Variants in FRK observed in about 807,000 individuals in gnomAD.
The protein encoded by FRK is fyn related Src family tyrosine kinase, also known as tyrosine-protein kinase FRK.
FRK carries 51 observed loss-of-function variants against 56.4 expected under a neutral mutation model. The observed-to-expected ratio is 0.90, with a 90% confidence interval of 0.72 to 1.14. The LOEUF (loss-of-function observed/expected upper bound fraction) is 1.14, where lower values mean the gene tolerates loss of function less well. Among genes scored for constraint, FRK ranks in the 50% most tolerant of loss-of-function variants. FRK has a pLI of 0.00. For missense variants in FRK, 570 were observed against 601.4 expected (o/e 0.95, Z 0.55); for synonymous variants, 245 against 217.9 (o/e 1.12, Z -1.10).
chr6:116,013,259 A>G (rs1775537305), intron 1 of FRK, among the ~76,000 whole-genome samples: 1 of 152,194 alleles, frequency 6.6e-6, no homozygotes, highest in Non-Finnish European at 1.5e-5. Context: ...ATTCCTCACA[A>G]GAAGTTTACA....
chr6:116,023,237 T>C (rs1197738930), intron 1 of FRK, among the ~76,000 whole-genome samples: 2 of 152,316 alleles, frequency 1.3e-5, no homozygotes, highest in East Asian at 1.9e-4. Flanking sequence ...GGCAATATCT[T>C]ATAAAGTTAA....
intron 1 of FRK, among the ~76,000 whole-genome samples, chr6:116,018,322 A>C (rs186621631): frequency 6.6e-6 from 1 of 152,330 alleles, no homozygotes. Context: ...TCAGCAGCAC[A>C]AACAGCCAGA....
the FRK span, among the ~76,000 whole-genome samples, chr6:116,077,993 C>G: frequency 6.6e-6 from 1 of 152,144 alleles, no homozygotes; most frequent in East Asian, 1.9e-4. Context: ...AACCCCATCT[C>G]TACTAAAAAC....
At chr6:116,046,830 C>A (rs540142274) in intron 1 of FRK, among the ~76,000 whole-genome samples, 6 of 151,890 alleles carry the variant, frequency 4.0e-5, no homozygotes, top group African/African-American at 1.4e-4. Context: ...TGAGTACATT[C>A]TTTTTCTTTT....
chr6:115,955,678 T>A (rs1422965425), intron 5 of FRK, among the ~76,000 whole-genome samples: 5 of 152,160 alleles, frequency 3.3e-5, no homozygotes, highest in African/African-American at 1.2e-4. Context: ...AAATCTTTGT[T>A]TCATCATTCT....
intron 1 of FRK, among the ~76,000 whole-genome samples, chr6:116,025,312 T>C (rs1337243404): frequency 3.3e-5 from 5 of 152,208 alleles, no homozygotes; most frequent in Admixed American, 3.3e-4. Flanking sequence ...ATATTTGTTA[T>C]GAAAAGTTAT....
chr6:116,060,416 T>A lies in FRK; in HGVS notation c.-105A>T. Reference sequence around the variant, plus strand: ...AGGCAACTTTGAAGTCAGCACCAACTCACCATACTTCGGAGAGTATGCAAA... The same window carrying A: ...AGGCAACTTTGAAGTCAGCACCAACACACCATACTTCGGAGAGTATGCAAA... On this transcript the variant is annotated 5_prime_UTR_variant, in exon 1 of 8. Transcript: ENST00000606080. 1 of 829,432 alleles carries A rather than the reference T, an allele frequency of 1.2e-6. No homozygotes were observed. The highest frequency in any genetic ancestry group is 1.9e-6 in the Non-Finnish European group (1 of 524,088). The allele number at this position is 829,432 out of a possible 1,614,324, so 51.4% of individuals were successfully genotyped here.
At chr6:116,086,861 A>T in the FRK span, among the ~76,000 whole-genome samples, 2 of 152,216 alleles carry the variant, frequency 1.3e-5, no homozygotes, top group Admixed American at 1.3e-4. Flanking sequence ...AGTGAACAAG[A>T]CGAAGTCCCC....
chr6:116,068,447 T>C, the FRK span, among the ~76,000 whole-genome samples: 1 of 152,156 alleles, frequency 6.6e-6, no homozygotes, highest in African/African-American at 2.4e-5. Context: ...ATTACTATTG[T>C]AAATAAAAAA....
chr6:115,948,577 C>T (rs1268494289), intron 5 of FRK, among the ~76,000 whole-genome samples: 1 of 152,198 alleles, frequency 6.6e-6, no homozygotes, highest in East Asian at 1.9e-4. Flanking sequence ...ATTGGTGTTT[C>T]TCTGTCATTT....
intron 1 of FRK, among the ~76,000 whole-genome samples, chr6:116,044,825 T>A (rs1776873976): frequency 6.6e-6 from 1 of 152,154 alleles, no homozygotes; most frequent in Non-Finnish European, 1.5e-5. Flanking sequence ...GATTGTGTAT[T>A]TAGAAAACCC....
At chr6:116,063,778 ACATAT>A (rs1208357612), upstream of FRK, among the ~76,000 whole-genome samples, 1 of 152,232 alleles carries the variant, frequency 6.6e-6, no homozygotes, top group Non-Finnish European at 1.5e-5. Context: ...GTTACAAATA[ACATAT>A]CATTTAATTC....
intron 2 of FRK, among the ~76,000 whole-genome samples, chr6:115,990,002 T>C (rs1276351052): frequency 6.6e-6 from 1 of 152,006 alleles, no homozygotes; most frequent in Non-Finnish European, 1.5e-5. Flanking sequence ...GGATGGTATC[T>C]CATTATGGTT....
At chr6:116,024,254 T>A (rs1775990105) in intron 1 of FRK, among the ~76,000 whole-genome samples, 1 of 152,058 alleles carries the variant, frequency 6.6e-6, no homozygotes, top group Non-Finnish European at 1.5e-5. Flanking sequence ...TTTTCCTTTT[T>A]CTTTCATTTT....
intron 1 of FRK, among the ~76,000 whole-genome samples, chr6:116,043,497 T>A (rs1320495704): frequency 2.0e-5 from 3 of 152,008 alleles, no homozygotes; most frequent in Non-Finnish European, 4.4e-5. Context: ...ACTGAGTAAA[T>A]AATGAAATTA....
chr6:115,970,118 CCAATAGCTAGGAATTTTTTTTTTT>C (rs1562263696), intron 2 of FRK, among the ~76,000 whole-genome samples: 1 of 151,680 alleles, frequency 6.6e-6, no homozygotes, highest in Non-Finnish European at 1.5e-5. Flanking sequence ...TGAGGGCATG[CCAATAGCTAGGAATTTTTTTTTTT>C]TTCAAAAACA....
chr6:115,975,499 C>T (rs563676607), intron 2 of FRK, among the ~76,000 whole-genome samples: 6 of 152,150 alleles, frequency 3.9e-5, no homozygotes, highest in African/African-American at 1.2e-4. Flanking sequence ...TGCAAATTGT[C>T]GTTCTTAATG....
intron 1 of FRK, among the ~76,000 whole-genome samples, chr6:116,051,524 G>T (rs1054944072): frequency 2.6e-5 from 4 of 152,200 alleles, no homozygotes; most frequent in African/African-American, 7.2e-5. Context: ...CAGAGTATAT[G>T]ATCTACATTT....
At chr6:116,089,905 C>A in the FRK span, among the ~76,000 whole-genome samples, 2 of 152,054 alleles carry the variant, frequency 1.3e-5, no homozygotes, top group African/African-American at 4.8e-5. Context: ...ATACTAATTA[C>A]AAAAATGTTT....
Sources: allele counts gnomAD v4.1 joint callset (sites outside exome capture counted in the v4.1 genomes callset), GRCh38; gene constraint gnomAD v4.1.1; transcripts MANE v1.5; gene names NCBI Gene and HGNC (gene_info 2026-07-23, HGNC 2026-07-21).